The following SLC24A2 variants were observed in gnomAD, a reference collection of about 807,000 sequenced individuals.
The protein encoded by SLC24A2 is solute carrier family 24 member 2.
In SLC24A2, 36 loss-of-function variants were observed where a neutral mutation model predicts 62.0. The ratio of observed to expected loss-of-function variants is 0.58; its 90% CI spans 0.44 to 0.77. The LOEUF (loss-of-function observed/expected upper bound fraction) is 0.77, where lower values mean the gene tolerates loss of function less well. SLC24A2 is among the 30% of genes least tolerant of loss of function. The probability of loss-of-function intolerance (pLI) is 0.00; values close to 1 mark genes in which losing one functional copy is unlikely to be tolerated. For missense variants in SLC24A2, 846 were observed against 817.9 expected, an observed-to-expected ratio of 1.03 and a Z score of -0.42; for synonymous variants, 358 against 294.0, an observed-to-expected ratio of 1.22 and a Z score of -2.23.
chr9:19,791,555 C>A (rs368786541), upstream of SLC24A2, among the ~76,000 whole-genome samples: 172 of 152,326 alleles, frequency 1.1e-3, 2 homozygotes, highest in African/African-American at 4.0e-3. Context: ...TGACCAAGAA[C>A]TTGGCAATTA....
chr9:19,957,950 T>G, the SLC24A2 span: 1 of 153,126 alleles, frequency 6.5e-6, no homozygotes, highest in Non-Finnish European at 1.5e-5. Context: ...TGCTGTCCTG[T>G]GTGTTTTGTA....
the SLC24A2 span, among the ~76,000 whole-genome samples, chr9:20,097,213 C>T: frequency 6.6e-6 from 1 of 152,156 alleles, no homozygotes; most frequent in Admixed American, 6.5e-5. Flanking sequence ...TGGCCTCTAT[C>T]TCTGTAGATA....
chr9:20,251,945 G>A, the SLC24A2 span, among the ~76,000 whole-genome samples: 5 of 152,146 alleles, frequency 3.3e-5, no homozygotes, highest in East Asian at 1.9e-4. Context: ...ACTGAAACAC[G>A]ACATCTTTCC....
chr9:19,692,441 C>A (rs986453573), intron 2 of SLC24A2, among the ~76,000 whole-genome samples: 1 of 152,058 alleles, frequency 6.6e-6, no homozygotes, highest in African/African-American at 2.4e-5. Context: ...GACTGTAATA[C>A]CATACGACAA....
intron 2 of SLC24A2, among the ~76,000 whole-genome samples, chr9:19,738,404 A>T (rs1821572092): frequency 6.6e-6 from 1 of 152,146 alleles, no homozygotes; most frequent in African/African-American, 2.4e-5. Flanking sequence ...ATCCCGAGAG[A>T]GAGAGAACGC....
intron 2 of SLC24A2, among the ~76,000 whole-genome samples, chr9:19,649,001 C>CAAA (rs66653116): frequency 0.022 from 2,356 of 108,650 alleles, 37 homozygotes; most frequent in East Asian, 0.027. Flanking sequence ...GATTAAAAAC[C>CAAA]AAAAAAAAAA....
the SLC24A2 span, among the ~76,000 whole-genome samples, chr9:19,824,535 G>C: frequency 6.6e-6 from 1 of 152,144 alleles, no homozygotes; most frequent in Non-Finnish European, 1.5e-5. Context: ...TGCTGGCAAG[G>C]CTGTGGAGAA....
At chr9:19,873,538 CTTTCTTTCTTTCTT>C in the SLC24A2 span, among the ~76,000 whole-genome samples, 3 of 135,718 alleles carry the variant, frequency 2.2e-5, no homozygotes, top group African/African-American at 7.9e-5. Context: ...CTTTCTTTCT[CTTTCTTTCTTTCTT>C]TCTCTCTCTC....
At chr9:20,286,180 A>C in the SLC24A2 span, among the ~76,000 whole-genome samples, 5 of 152,354 alleles carry the variant, frequency 3.3e-5, no homozygotes, top group African/African-American at 1.2e-4. Context: ...GTGGGTGCGC[A>C]TATCTTTGTA....
chr9:19,925,681 A>AT, the SLC24A2 span, among the ~76,000 whole-genome samples: 13 of 152,352 alleles, frequency 8.5e-5, 1 homozygote, highest in East Asian at 2.5e-3. Flanking sequence ...TTAGAGGAGG[A>AT]TAAAAACCTG....
At chr9:19,979,026 G>T in the SLC24A2 span, among the ~76,000 whole-genome samples, 2 of 152,174 alleles carry the variant, frequency 1.3e-5, no homozygotes, top group Non-Finnish European at 2.9e-5. Flanking sequence ...TCTTTTTTAA[G>T]TGGTAAATTA....
chr9:19,756,410 T>G (rs901988850), intron 2 of SLC24A2, among the ~76,000 whole-genome samples: 6 of 152,240 alleles, frequency 3.9e-5, no homozygotes, highest in African/African-American at 1.4e-4. Flanking sequence ...TTTGCAAATA[T>G]TCAAAGCTTA....
chr9:19,819,394 C>T, the SLC24A2 span, among the ~76,000 whole-genome samples: 1 of 152,132 alleles, frequency 6.6e-6, no homozygotes, highest in African/African-American at 2.4e-5. Flanking sequence ...AGGGAACAGT[C>T]AGTAGAGTAA....
the SLC24A2 span, among the ~76,000 whole-genome samples, chr9:19,965,299 G>A: frequency 6.6e-6 from 1 of 152,134 alleles, no homozygotes; most frequent in East Asian, 1.9e-4. Flanking sequence ...CTGAAGCAGG[G>A]TCCTGGATGG....
intron 2 of SLC24A2, among the ~76,000 whole-genome samples, chr9:19,724,251 C>T (rs1821108363): frequency 6.6e-6 from 1 of 152,094 alleles, no homozygotes; most frequent in South Asian, 2.1e-4. Flanking sequence ...TAATCTCACA[C>T]TTGGTTAAGT....
At chr9:19,837,453 C>A in the SLC24A2 span, among the ~76,000 whole-genome samples, 1 of 66,432 alleles carries the variant, frequency 1.5e-5, no homozygotes, top group Non-Finnish European at 2.7e-5. Context: ...AGCGAGACTC[C>A]GTCTCAAAAA....
the SLC24A2 span, among the ~76,000 whole-genome samples, chr9:20,264,221 C>T: frequency 1.3e-5 from 2 of 152,228 alleles, no homozygotes; most frequent in African/African-American, 4.8e-5. Flanking sequence ...CTCTCTGCAC[C>T]TCAGTTTCCA....
chr9:19,639,546 C>A (rs1025462819), intron 2 of SLC24A2, among the ~76,000 whole-genome samples: 3 of 152,200 alleles, frequency 2.0e-5, no homozygotes, highest in African/African-American at 7.2e-5. Context: ...ACAGAACTTA[C>A]AACTAAACAG....
At chr9:19,711,286 T>A (rs984239722) in intron 2 of SLC24A2, among the ~76,000 whole-genome samples, 9 of 152,262 alleles carry the variant, frequency 5.9e-5, no homozygotes, top group Non-Finnish European at 1.2e-4. Context: ...AAGTTGTATG[T>A]GCTTGGATTT....
Sources: gnomAD v4.1 joint callset for allele counts (sites outside exome capture counted in the v4.1 genomes callset) on GRCh38, gnomAD v4.1.1 for gene constraint, MANE v1.5 for transcripts, NCBI Gene and HGNC (gene_info 2026-07-23, HGNC 2026-07-21) for gene names.